Variants in BCL9L observed in about 807,000 individuals in gnomAD.
BCL9L encodes B-cell CLL/lymphoma 9-like protein.
In BCL9L, 19 loss-of-function variants were observed where a neutral mutation model predicts 99.4. The ratio of observed to expected loss-of-function variants is 0.19; its 90% CI spans 0.13 to 0.28. BCL9L has a LOEUF of 0.28. BCL9L is among the 10% of genes least tolerant of loss of function. BCL9L has a pLI of 1.00. For missense variants in BCL9L, 2,023 were observed against 2,101.6 expected (o/e 0.96, Z 0.73); for synonymous variants, 900 against 854.8 (o/e 1.05, Z -0.92).
rs755772734 is a variant in BCL9L at position 118,898,014 on chromosome 11, GAGC to G, written c.*398_*400del. 170 of 411,168 alleles carry G rather than the reference GAGC, an allele frequency of 4.1e-4. No individual in the cohort carries two copies. The highest frequency in any genetic ancestry group is 7.1e-4 in the South Asian group (36 of 50,918). 25.5% of individuals were successfully genotyped at this position (411,168 alleles called of 1,614,324 possible). ...CAGCAATGCGGACACGAGGAGACAG[GAGC>G]AGAAGGGGCTGGGGGAGACCTGACC... On this transcript the variant is annotated 3_prime_UTR_variant, in exon 10 of 10. Transcript: ENST00000683865.
rs1939996763 is a variant in BCL9L, at chr11:118,898,100, G to T, written c.*315C>A. 5.9e-6 allele frequency: 3 copies of T among 504,244 alleles called. No individual in the cohort carries two copies. The highest frequency in any genetic ancestry group is 1.9e-5 in the African/African-American group (1 of 51,838). The allele number at this position is 504,244 out of a possible 1,614,324, so 31.2% of individuals were successfully genotyped here. A position where few individuals can be genotyped will look rare whatever the true frequency, so the allele number is the denominator to read the frequency against. ...AGGACTCCAAAAGCATAGCTGAAGG[G>T]GGTGTGGCGGGTGCAGGGATGCACG... is the stretch of plus-strand genomic sequence containing the variant. On this transcript the variant is annotated 3_prime_UTR_variant, in exon 10 of 10. Transcript: ENST00000683865.
Position 118,899,007 on chromosome 11 carries a change from G to A in BCL9L, c.3908C>T (p.Ser1303Leu), listed in dbSNP as rs1227482386. 6.2e-7 allele frequency: 1 copy of A among 1,613,738 alleles called. No individual in the cohort carries two copies. Among genetic ancestry groups the A allele is most frequent in the African/African-American group, 1.3e-5 (1 of 74,914 alleles). The stretch of plus-strand genomic sequence containing the variant: ...GCTCAGCTCGGGGTCGTTCAGCACT[G>A]ATGCCACCCCAGGGAGCACACCCGG... Reference protein sequence around the residue: ...YPPGVLPGVASVLNDPELSEV... With the variant: ...YPPGVLPGVALVLNDPELSEV... The change falls in exon 10 of 10, where the codon TCA becomes TTA. Residue 1303 changes from serine (S) to leucine (L), a missense_variant. By Grantham distance (145) the Ser-to-Leu change is moderately radical. Around this residue, in one of 3 missense-constraint regions of BCL9L, gnomAD observed 902 missense variants for 888.2 expected, o/e 1.02. Transcript: ENST00000683865.
At chr11:118,908,033 G>A (rs1359623242) in intron 4 of BCL9L, among the ~76,000 whole-genome samples, 3 of 152,202 alleles carry the variant, frequency 2.0e-5, no homozygotes, top group Non-Finnish European at 4.4e-5. Flanking sequence ...GAAAGCAGGA[G>A]GGGAAGGAGT....
At chr11:118,910,058 G>A in intron 2 of BCL9L, 43 bp from the exon 3 acceptor site, 8 of 1,416,548 alleles carry the variant, frequency 5.6e-6, no homozygotes, top group Non-Finnish European at 7.7e-6. Flanking sequence ...GACTTGGGGA[G>A]GGGGTGTCAG....
intron 5 of BCL9L, among the ~76,000 whole-genome samples, chr11:118,906,136 G>A (rs1008075344): frequency 1.3e-5 from 2 of 152,182 alleles, no homozygotes; most frequent in Non-Finnish European, 2.9e-5. Context: ...TGAGGTTGCA[G>A]TGAGCTGTGA....
Position 118,898,942 on chromosome 11 carries a change from C to T in BCL9L, c.3973G>A (p.Asp1325Asn), listed in dbSNP as rs760534550. 67 of 1,612,178 alleles carry T rather than the reference C, an allele frequency of 4.2e-5. No individual in the cohort carries two copies. The highest frequency in any genetic ancestry group is 8.3e-5 in the Admixed American group (5 of 59,894). The part of the protein sequence containing the change: ...RPTPTGIPEF[D>N]LSRIIPSEKP... Reference sequence around the variant, plus strand: ...TCAGAGGGGATGATCCTCGACAAGTCGAACTCGGGGATCCCCGTTGGGGTG... The same window carrying T: ...TCAGAGGGGATGATCCTCGACAAGTTGAACTCGGGGATCCCCGTTGGGGTG... Residue 1325 changes from aspartate (D) to asparagine (N), a missense_variant, in exon 10 of 10, where the codon GAC becomes AAC. Around this residue, in one of 3 missense-constraint regions of BCL9L, gnomAD observed 902 missense variants for 888.2 expected, o/e 1.02. Transcript: ENST00000683865.
In BCL9L at chr11:118,899,065, C is replaced by G; in HGVS notation, c.3850G>C (p.Ala1284Pro). Reference sequence around the variant, plus strand: ...GCGTCGCCCATGCGCCCAGCCATGGCTTTGCCCATCAGGTGCTGCTGGGGA... The same window carrying G: ...GCGTCGCCCATGCGCCCAGCCATGGGTTTGCCCATCAGGTGCTGCTGGGGA... ...MPPQQHLMGK[A>P]MAGRMGDAYP... Residue 1284 changes from alanine to proline, a missense_variant, in exon 10 of 10, where the codon GCC (alanine) becomes CCC (proline). Around this residue, in one of 3 missense-constraint regions of BCL9L, gnomAD observed 902 missense variants for 888.2 expected, o/e 1.02. Transcript: ENST00000683865. 6.2e-7 allele frequency: 1 copy of G among 1,610,704 alleles called. No homozygotes were observed.
chr11:118,912,634 C>G (rs1419947925), intron 2 of BCL9L, among the ~76,000 whole-genome samples: 1 of 152,188 alleles, frequency 6.6e-6, no homozygotes, highest in African/African-American at 2.4e-5. Context: ...GCTCCACACA[C>G]AACTACCACA....
At position 118,922,686 on chromosome 11, in the gene BCL9L, C is replaced by A. The variant is rs1252989368; in HGVS notation, c.-131+2552G>T. ...ACTTTCCCACGGTGCCATCCCCCTT[C>A]TGCCCCCTCCCCCCATCGGAGGTCA... On this transcript the variant is annotated intron_variant, in intron 1 of 9. Transcript: ENST00000683865. This position sits in a 1 kb window ranked among gnomAD's most constrained non-coding sequence, Gnocchi z 6.2. Among the ~76,000 whole-genome samples the A allele has an allele frequency of 3.3e-5, 5 of 152,074 alleles. No individual in the cohort carries two copies. The highest frequency in any genetic ancestry group is 3.3e-4 in the Admixed American group (5 of 15,290).
chr11:118,916,980 T>A (rs551081987), intron 2 of BCL9L, among the ~76,000 whole-genome samples: 2 of 152,288 alleles, frequency 1.3e-5, no homozygotes, highest in South Asian at 4.1e-4. Context: ...TGAGCTGAAC[T>A]GAGCAAACAG....
Position 118,900,887 on chromosome 11 carries a change from G to C in BCL9L, c.2856C>G (p.Leu952=). The C allele has an allele frequency of 1.3e-6, 2 of 1,599,802 alleles. No individual in the cohort carries two copies. Among genetic ancestry groups the C allele is most frequent in the East Asian group, 2.2e-5 (1 of 44,612 alleles). ...SPLVTSPSAN[L]KSPQTPSQMV... is the part of the protein sequence containing the mutation. ...TCTGTGAGGGAGTCTGGGGTGACTTGAGGTTGGCAGAGGGCGAGGTGACCA... is the reference window on the plus strand; with the variant it reads ...TCTGTGAGGGAGTCTGGGGTGACTTCAGGTTGGCAGAGGGCGAGGTGACCA... The change falls in exon 8 of 10, where the codon CTC becomes CTG. Residue 952 remains leucine, a synonymous_variant. Transcript: ENST00000683865. The surrounding 1 kb of genome is among the most constrained non-coding windows in gnomAD (Gnocchi z 5.3).
In BCL9L at chr11:118,901,704, C is replaced by T. The variant is rs764584600; in HGVS notation, c.2039G>A (p.Arg680Gln). Residue 680 changes from arginine to glutamine, a missense_variant, in exon 8 of 10, where the codon CGG (arginine) becomes CAG (glutamine). Physicochemically the swap from Arg to Gln is conservative, Grantham distance 43 (BLOSUM62 1). Around this residue, in one of 3 missense-constraint regions of BCL9L, gnomAD observed 1,116 missense variants for 1,194.6 expected, o/e 0.93. Coordinates refer to ENST00000683865, the MANE Select transcript of BCL9L (RefSeq NM_001378213.1). The surrounding 1 kb of genome is among the most constrained non-coding windows in gnomAD (Gnocchi z 6.6). ...CGACCGCTTCTCCAGCAGCTGGTGC[C>T]GCAGCAGCTCCTCACGGACCCGGGG... ...MTPRVREELL[R>Q]HQLLEKRSMG... The T allele has an allele frequency of 1.1e-5, 18 of 1,613,522 alleles. No homozygotes were observed. Among genetic ancestry groups the T allele is most frequent in the East Asian group, 4.5e-5 (2 of 44,898 alleles).
At chr11:118,909,847 C>T in intron 3 of BCL9L, 67 bp downstream of exon 3, 1 of 1,611,540 alleles carries the variant, frequency 6.2e-7, no homozygotes, top group South Asian at 1.1e-5. Flanking sequence ...TGGGCCCCAT[C>T]ACCACTGGGC....
chr11:118,898,098 G>C lies in BCL9L; in HGVS notation c.*317C>G, dbSNP rs1474381339. ...CCAGGACTCCAAAAGCATAGCTGAA[G>C]GGGGTGTGGCGGGTGCAGGGATGCA... On this transcript the variant is annotated 3_prime_UTR_variant, in exon 10 of 10. Coordinates refer to ENST00000683865, the MANE Select transcript of BCL9L (RefSeq NM_001378213.1). The C allele has an allele frequency of 8.0e-6, 4 of 502,352 alleles. No homozygotes were observed. The highest frequency in any genetic ancestry group is 1.5e-5 in the Non-Finnish European group (4 of 274,848). The allele number at this position is 502,352 out of a possible 1,614,324, so 31.1% of individuals were successfully genotyped here. A position where few individuals can be genotyped will look rare whatever the true frequency, so the allele number is the denominator to read the frequency against.
chr11:118,916,499 C>T (rs967889050), intron 2 of BCL9L, among the ~76,000 whole-genome samples: 2 of 152,218 alleles, frequency 1.3e-5, no homozygotes, highest in African/African-American at 4.8e-5. Context: ...TGGCCCCACT[C>T]AGCATTCTCC....
rs61753079 is a variant in BCL9L, at chr11:118,909,924, T to C, written c.16A>G (p.Asn6Asp). Residue 6 changes from asparagine (N) to aspartate (D), a missense_variant, in exon 3 of 10, where the codon AAC becomes GAC. By Grantham distance (23) the Asn-to-Asp change is conservative. Coordinates refer to ENST00000683865, the MANE Select transcript of BCL9L (RefSeq NM_001378213.1). MRILA[N>D]KTRLPHPRRR... Reference sequence around the variant, plus strand: ...ACGACACCCACACACCTTGTCTTGTTAGCCAGGATCCTCATGGCTCCCACA... The same window carrying C: ...ACGACACCCACACACCTTGTCTTGTCAGCCAGGATCCTCATGGCTCCCACA... 6.8e-6 allele frequency: 11 copies of C among 1,614,056 alleles called. No homozygotes were observed. In the South Asian group the frequency reaches 9.9e-5, roughly 14 times the overall value.
chr11:118,900,718 C>A lies in BCL9L; in HGVS notation c.3025G>T (p.Ala1009Ser), dbSNP rs749356565. 13 of 1,613,908 alleles carry A rather than the reference C, an allele frequency of 8.1e-6. No homozygotes were observed. The South Asian group carries it at 1.4e-4, about 18-fold the overall frequency. Reference sequence around the variant, plus strand: ...CTGGGCATGGCCGTCTTAGGTGAGGCAACCCAGCCTGGAGAAGGCACCGCC... The same window carrying A: ...CTGGGCATGGCCGTCTTAGGTGAGGAAACCCAGCCTGGAGAAGGCACCGCC... ...SMAVPSPGWV[A>S]SPKTAMPSPG... Residue 1009 changes from alanine to serine, a missense_variant, in exon 8 of 10, where the codon GCC (alanine) becomes TCC (serine). Ala to Ser is a moderately conservative substitution (Grantham distance 99). This residue lies in a region of BCL9L where 902 missense variants were observed against 888.2 expected (regional missense o/e 1.02). Coordinates refer to ENST00000683865, the MANE Select transcript of BCL9L (RefSeq NM_001378213.1). The surrounding 1 kb of genome is among the most constrained non-coding windows in gnomAD (Gnocchi z 5.3).
chr11:118,913,694 C>T (rs1419891569), intron 2 of BCL9L, among the ~76,000 whole-genome samples: 2 of 151,664 alleles, frequency 1.3e-5, no homozygotes, highest in African/African-American at 4.8e-5. Flanking sequence ...CCACCCCACC[C>T]GCCCAAGGCT....
chr11:118,907,673 C>T, intron 4 of BCL9L, 71 bp from the exon 5 acceptor site: 1 of 1,585,984 alleles, frequency 6.3e-7, no homozygotes. Flanking sequence ...CAGGGTCCCT[C>T]CCAGATCCAT....
Sources: gnomAD v4.1 joint callset for allele counts (sites outside exome capture counted in the v4.1 genomes callset) on GRCh38, gnomAD v4.1.1 for gene constraint, gnomAD v4.1.1 regional missense constraint, Gnocchi (gnomAD v3.1) non-coding constraint, MANE v1.5 for transcripts, NCBI Gene and HGNC (gene_info 2026-07-23, HGNC 2026-07-21) for gene names.